The following NCKAP5 variants were observed in gnomAD, a reference collection of about 807,000 sequenced individuals.
NCKAP5 encodes nck-associated protein 5.
A neutral mutation model predicts 167.0 loss-of-function variants in NCKAP5; 92 were observed. The ratio of observed to expected loss-of-function variants is 0.55; its 90% CI spans 0.47 to 0.66. NCKAP5 has a LOEUF of 0.66. Among genes scored for constraint, NCKAP5 ranks in the 30% least tolerant of loss-of-function variants. The pLI, the probability that NCKAP5 is intolerant of heterozygous loss-of-function variation, is 0.00. For missense variants in NCKAP5, 2,378 were observed against 2,315.0 expected (o/e 1.03, Z -0.56); for synonymous variants, 891 against 877.4 (o/e 1.02, Z -0.27).
At chr2:133,172,268 C>T (rs1244974780) in intron 5 of NCKAP5, among the ~76,000 whole-genome samples, 1 of 152,130 alleles carries the variant, frequency 6.6e-6, no homozygotes, top group Non-Finnish European at 1.5e-5. Context: ...TTATAGAGGC[C>T]TGAGAAATAA....
At position 133,113,543 on chromosome 2, in the gene NCKAP5, T is replaced by C. The variant is rs577839824; in HGVS notation, c.341+16435A>G. On this transcript the variant is annotated intron_variant, in intron 6 of 19. Transcript: ENST00000409261. ...AGGGGGCTTCACTCCGAGCCTCCTCTAGCCATCCCCTTCCACCAGGTGTGG... is the reference window on the plus strand; with the variant it reads ...AGGGGGCTTCACTCCGAGCCTCCTCCAGCCATCCCCTTCCACCAGGTGTGG... Among the ~76,000 whole-genome samples, 22 of 152,324 alleles carry C rather than the reference T, an allele frequency of 1.4e-4. No individual in the cohort carries two copies. The South Asian group carries it at 4.4e-3, about 30-fold the overall frequency.
the NCKAP5 span, among the ~76,000 whole-genome samples, chr2:133,644,624 A>C: frequency 6.6e-6 from 1 of 152,188 alleles, no homozygotes; most frequent in South Asian, 2.1e-4. Context: ...ACATTTATTT[A>C]TAAACAGTGC....
the NCKAP5 span, among the ~76,000 whole-genome samples, chr2:133,660,747 A>C: frequency 4.6e-5 from 7 of 152,226 alleles, no homozygotes; most frequent in South Asian, 1.5e-3. Context: ...CCTCCCTGAG[A>C]AACTAGGATG....
intron 3 of NCKAP5, among the ~76,000 whole-genome samples, chr2:133,419,678 A>G (rs1184279830): frequency 6.6e-6 from 1 of 152,184 alleles, no homozygotes; most frequent in African/African-American, 2.4e-5. Flanking sequence ...TTAACCATCC[A>G]TTTCACTCAT....
intron 6 of NCKAP5, among the ~76,000 whole-genome samples, chr2:133,057,472 G>A (rs1414343582): frequency 6.6e-6 from 1 of 152,190 alleles, no homozygotes; most frequent in African/African-American, 2.4e-5. Flanking sequence ...ACACATGAAT[G>A]GTAAGGAAGC....
intron 11 of NCKAP5, among the ~76,000 whole-genome samples, chr2:132,818,308 G>A (rs1686442832): frequency 6.6e-6 from 1 of 152,200 alleles, no homozygotes; most frequent in South Asian, 2.1e-4. Flanking sequence ...CAATTGTCCT[G>A]TCTCTACAGA....
chr2:133,023,833 A>T (rs1225595058), intron 6 of NCKAP5, among the ~76,000 whole-genome samples: 2 of 152,132 alleles, frequency 1.3e-5, no homozygotes, highest in African/African-American at 4.8e-5. Flanking sequence ...CCACATTTTT[A>T]AAATTAAATC....
rs1180012482 is a variant in NCKAP5, at chr2:132,784,192, C to T, written c.2619G>A (p.Pro873=). 12 of 1,558,250 alleles carry T rather than the reference C, an allele frequency of 7.7e-6. No individual in the cohort carries two copies. Among genetic ancestry groups the T allele is most frequent in the East Asian group, 4.5e-5 (2 of 44,498 alleles). ...TCCTGCTGGGCATCCTGGAGCTGTGCGGAAGTTGGGCGGAATGTTTTGGAA... is the reference window on the plus strand; with the variant it reads ...TCCTGCTGGGCATCCTGGAGCTGTGTGGAAGTTGGGCGGAATGTTTTGGAA... ...PHIPKHSAQL[P]HSSRMPSRRD... The change falls in exon 14 of 20, where the codon CCG becomes CCA. Residue 873 remains proline (P), a synonymous_variant. Coordinates refer to ENST00000409261, the MANE Select transcript of NCKAP5 (RefSeq NM_207363.3).
chr2:133,060,714 G>GAAT (rs1305100284), intron 6 of NCKAP5, among the ~76,000 whole-genome samples: 1 of 152,184 alleles, frequency 6.6e-6, no homozygotes, highest in Non-Finnish European at 1.5e-5. Context: ...CACGAGTAAA[G>GAAT]AATATAAGCT....
chr2:133,203,864 T>C (rs2085821530), intron 5 of NCKAP5, among the ~76,000 whole-genome samples: 1 of 152,220 alleles, frequency 6.6e-6, no homozygotes, highest in South Asian at 2.1e-4. Context: ...AAATCAGCTA[T>C]ATAAATCCAC....
chr2:132,846,374 G>T (rs1325393283), intron 11 of NCKAP5, among the ~76,000 whole-genome samples: 1 of 151,406 alleles, frequency 6.6e-6, no homozygotes, highest in East Asian at 1.9e-4. Flanking sequence ...GCATGATTTC[G>T]GCTCATTGCA....
chr2:132,922,347 A>T lies in NCKAP5; in HGVS notation c.579+41373T>A, dbSNP rs75326108. Among the ~76,000 whole-genome samples the T allele has an allele frequency of 8.6e-3, 1,311 of 152,338 alleles. 7 individuals are homozygous for T. Among genetic ancestry groups the T allele is most frequent in the African/African-American group, 0.03 (1,234 of 41,568 alleles). Reference sequence around the variant, plus strand: ...AAGAGTCACTTGGAGAAGAAGCTAGAAAAGTTAAGAGCCAGGCTTTTCCAG... The same window carrying T: ...AAGAGTCACTTGGAGAAGAAGCTAGTAAAGTTAAGAGCCAGGCTTTTCCAG... On this transcript the variant is annotated intron_variant, in intron 8 of 19. Transcript: ENST00000409261.
chr2:132,675,869 A>T (rs980059264), intron 19 of NCKAP5, among the ~76,000 whole-genome samples: 2 of 152,016 alleles, frequency 1.3e-5, no homozygotes, highest in Admixed American at 1.3e-4. Context: ...AACAAGAAAC[A>T]TGAACTTCTC....
chr2:132,704,410 T>C (rs1032749542), intron 19 of NCKAP5, among the ~76,000 whole-genome samples: 3 of 152,158 alleles, frequency 2.0e-5, no homozygotes, highest in African/African-American at 7.2e-5. Context: ...GACTCTCCAA[T>C]ACAACTCTAG....
At position 132,886,023 on chromosome 2, in the gene NCKAP5, T is replaced by C. The variant is rs536613803; in HGVS notation, c.580-7107A>G. 9.8e-5 allele frequency among the ~76,000 whole-genome samples: 15 copies of C among 152,332 alleles called. 1 individual carries two copies. The South Asian group carries it at 3.1e-3, about 32-fold the overall frequency. On this transcript the variant is annotated intron_variant, in intron 8 of 19. Transcript: ENST00000409261. Reference sequence around the variant, plus strand: ...TCAGGCTCAGCTCCTAAAGCTCCCATGCTCCTTCCTGGGCTGTACCTTTGG... The same window carrying C: ...TCAGGCTCAGCTCCTAAAGCTCCCACGCTCCTTCCTGGGCTGTACCTTTGG...
intron 4 of NCKAP5, among the ~76,000 whole-genome samples, chr2:133,301,108 C>CACT (rs1301160398): frequency 5.2e-5 from 3 of 57,394 alleles, no homozygotes; most frequent in African/African-American, 1.9e-4. Context: ...AACTACAAAC[C>CACT]ACTGCTCAAG....
chr2:133,027,422 A>C (rs2078735183), intron 6 of NCKAP5, among the ~76,000 whole-genome samples: 1 of 152,206 alleles, frequency 6.6e-6, no homozygotes, highest in Admixed American at 6.5e-5. Context: ...TCAAGATAAT[A>C]ATTTCTATGT....
chr2:132,841,647 G>C (rs913479798), intron 11 of NCKAP5, among the ~76,000 whole-genome samples: 1 of 151,492 alleles, frequency 6.6e-6, no homozygotes, highest in Non-Finnish European at 1.5e-5. Context: ...GTTTTTTTCT[G>C]TTGTTATATA....
At chr2:133,103,079 C>G (rs1012227567) in intron 6 of NCKAP5, among the ~76,000 whole-genome samples, 1 of 152,044 alleles carries the variant, frequency 6.6e-6, no homozygotes, top group Admixed American at 6.6e-5. Flanking sequence ...TTCATTTTTC[C>G]CAGTGAGAAA....
Sources: gnomAD v4.1 joint callset for allele counts (sites outside exome capture counted in the v4.1 genomes callset) on GRCh38, gnomAD v4.1.1 for gene constraint, MANE v1.5 for transcripts, NCBI Gene and HGNC (gene_info 2026-07-23, HGNC 2026-07-21) for gene names.